Variants in PSD3 observed in about 807,000 individuals in gnomAD.
PSD3 encodes PH and SEC7 domain-containing protein 3.
PSD3 carries 49 observed loss-of-function variants against 105.5 expected under a neutral mutation model. The observed-to-expected ratio is 0.46, with a 90% CI of 0.37 to 0.59. The LOEUF (loss-of-function observed/expected upper bound fraction) is 0.59, where lower values mean the gene tolerates loss of function less well. Ranked by LOEUF, PSD3 falls within the 20% of genes least tolerant of loss-of-function variation. PSD3 has a pLI of 0.00. For synonymous variants in PSD3, 557 were observed against 457.8 expected, an observed-to-expected ratio of 1.22 and a Z score of -2.77; for missense variants, 1,561 against 1,263.8, an observed-to-expected ratio of 1.24 and a Z score of -3.57.
At chr8:18,733,969 T>G (rs907074725) in intron 9 of PSD3, 60 of 151,934 alleles carry the variant, frequency 3.9e-4, no homozygotes, top group African/African-American at 1.4e-3. Context: ...AAGCTATGGG[T>G]TTTTTTTGCT....
At position 18,594,277 on chromosome 8, in the gene PSD3, TTA is replaced by T. The variant is rs1491103568; in HGVS notation, c.2481+6085_2481+6086del. On this transcript the variant is annotated intron_variant, in intron 12 of 15. Transcript: ENST00000327040. ...TATATAATATATATTATTATATATA[TTA>T]TATAATATATATTATATATAATAAT... Among the ~76,000 whole-genome samples the T allele has an allele frequency of 7.6e-4, 11 of 14,568 alleles. 3 individuals are homozygous for T. The highest frequency in any genetic ancestry group is 3.4e-3 in the Admixed American group (2 of 588). The allele number at this position is 14,568 out of a possible 152,430, so 9.6% of individuals were successfully genotyped here. A position where few individuals can be genotyped will look rare whatever the true frequency, so the allele number is the denominator to read the frequency against.
chr8:18,690,679 C>T (rs1031709563), intron 9 of PSD3, among the ~76,000 whole-genome samples: 1 of 152,190 alleles, frequency 6.6e-6, no homozygotes, highest in East Asian at 1.9e-4. Flanking sequence ...ATGGACACAC[C>T]ACCGCTTTCC....
At chr8:18,844,369 C>T (rs12546229) in intron 4 of PSD3, among the ~76,000 whole-genome samples, 64,702 of 151,980 alleles carry the variant, frequency 0.43, 14,259 homozygotes, top group Admixed American at 0.51. Context: ...GACACTTATA[C>T]CTTCCATCAG....
rs184070316 is a variant in PSD3 at position 18,685,898 on chromosome 8, G to A, written c.2173-30213C>T. Among the ~76,000 whole-genome samples the A allele has an allele frequency of 1.7e-3, 262 of 152,222 alleles. 1 individual carries two copies. The highest frequency in any genetic ancestry group is 6.8e-3 in the Middle Eastern group (2 of 294). On this transcript the variant is annotated intron_variant, in intron 9 of 15. Transcript: ENST00000327040. ...AAGACATGAGCGCCTGCCTCTGTGTGGGGATAAAGACAGTGCACGGGCTTA... is the reference window on the plus strand; with the variant it reads ...AAGACATGAGCGCCTGCCTCTGTGTAGGGATAAAGACAGTGCACGGGCTTA...
intron 2 of PSD3, among the ~76,000 whole-genome samples, chr8:18,907,171 T>A (rs1452874953): frequency 1.3e-5 from 2 of 152,222 alleles, no homozygotes; most frequent in Admixed American, 1.3e-4. Context: ...AAATTTAGCG[T>A]AGCCTAAGTG....
At chr8:18,594,543 C>T (rs1399467319) in intron 12 of PSD3, among the ~76,000 whole-genome samples, 2 of 146,378 alleles carry the variant, frequency 1.4e-5, no homozygotes, top group Non-Finnish European at 3.0e-5. Flanking sequence ...ACTTGCCTTA[C>T]AAGAAAGGCT....
chr8:18,988,666 A>G (rs1314926403), intron 1 of PSD3, among the ~76,000 whole-genome samples: 1 of 152,196 alleles, frequency 6.6e-6, no homozygotes, highest in Non-Finnish European at 1.5e-5. Flanking sequence ...CATTGTTCAC[A>G]AGAACATTAA....
chr8:18,907,960 C>A (rs867741576), intron 2 of PSD3, among the ~76,000 whole-genome samples: 9 of 152,224 alleles, frequency 5.9e-5, no homozygotes, highest in African/African-American at 2.2e-4. Flanking sequence ...CAATATATCA[C>A]AAAATTCTAA....
At chr8:18,698,412 C>G (rs1279205077) in intron 9 of PSD3, among the ~76,000 whole-genome samples, 3 of 152,156 alleles carry the variant, frequency 2.0e-5, no homozygotes, top group Non-Finnish European at 4.4e-5. Context: ...AGCCATGATG[C>G]TCAGCCTCAC....
At chr8:19,016,537 A>G (rs1017905928), upstream of PSD3, among the ~76,000 whole-genome samples, 6 of 152,242 alleles carry the variant, frequency 3.9e-5, no homozygotes, top group African/African-American at 1.4e-4. Context: ...CTAAGAGTTG[A>G]CAAATCCCAC....
intron 1 of PSD3, among the ~76,000 whole-genome samples, chr8:19,050,307 T>TTC (rs1554574809): frequency 6.6e-6 from 1 of 151,928 alleles, no homozygotes; most frequent in Admixed American, 6.6e-5. Flanking sequence ...CATGCCCATA[T>TTC]CCCCGCCTGT....
intron 1 of PSD3, among the ~76,000 whole-genome samples, chr8:19,027,461 G>C (rs908400867): frequency 2.0e-5 from 3 of 152,172 alleles, no homozygotes; most frequent in Non-Finnish European, 4.4e-5. Context: ...AATTTCTATA[G>C]TGTAAACCTC....
At chr8:18,561,155 T>C (rs996808850) in intron 14 of PSD3, among the ~76,000 whole-genome samples, 4 of 152,212 alleles carry the variant, frequency 2.6e-5, no homozygotes, top group Non-Finnish European at 4.4e-5. Context: ...GACCATGCCG[T>C]ATCTTCTTCA....
chr8:18,556,157 A>C (rs1325112470), intron 15 of PSD3, 52 bp downstream of exon 15: 14 of 1,598,090 alleles, frequency 8.8e-6, no homozygotes, highest in Non-Finnish European at 1.2e-5. Flanking sequence ...TCATGGACAG[A>C]TCATAAGAAA....
At chr8:19,083,824 G>T (rs1829719894) in intron 1 of PSD3, among the ~76,000 whole-genome samples, 1 of 152,180 alleles carries the variant, frequency 6.6e-6, no homozygotes, top group Non-Finnish European at 1.5e-5. Flanking sequence ...TCTCAAAGTG[G>T]TTAAGATGAG....
intron 13 of PSD3, among the ~76,000 whole-genome samples, chr8:18,573,046 C>T (rs11780899): frequency 0.33 from 50,196 of 152,092 alleles, 8,554 homozygotes; most frequent in East Asian, 0.47. Context: ...CTGAGGAATG[C>T]ATTGGTAGAG....
intron 4 of PSD3, among the ~76,000 whole-genome samples, chr8:18,839,874 GAC>G (rs1443001402): frequency 3.3e-5 from 5 of 152,160 alleles, no homozygotes; most frequent in Non-Finnish European, 7.3e-5. Flanking sequence ...GCAGTGGACT[GAC>G]AAATGTGGTA....
intron 9 of PSD3, among the ~76,000 whole-genome samples, chr8:18,691,842 A>G (rs968117914): frequency 1.3e-5 from 2 of 152,200 alleles, no homozygotes; most frequent in African/African-American, 4.8e-5. Flanking sequence ...TTCTCTAAGT[A>G]AAAAACAATG....
chr8:18,844,268 G>A (rs1586200854), intron 4 of PSD3, among the ~76,000 whole-genome samples: 1 of 152,106 alleles, frequency 6.6e-6, no homozygotes, highest in African/African-American at 2.4e-5. Context: ...CTTCTCCCTT[G>A]GGTCCCCTGA....
Sources: gnomAD v4.1 joint callset for allele counts (sites outside exome capture counted in the v4.1 genomes callset) on GRCh38, gnomAD v4.1.1 for gene constraint, MANE v1.5 for transcripts, NCBI Gene and HGNC (gene_info 2026-07-23, HGNC 2026-07-21) for gene names.